The following GABARAPL2 variants were observed in gnomAD, a reference collection of about 807,000 sequenced individuals.
GABARAPL2 encodes the protein GABA type A receptor associated protein like 2.
Under a neutral mutation model 16.9 loss-of-function variants are expected in GABARAPL2, and 11 were observed. That is an observed-to-expected ratio of 0.65 (90% CI 0.41 to 1.08). GABARAPL2 has a LOEUF of 1.08. GABARAPL2 is among the 50% of genes least tolerant of loss of function. The pLI is 0.00. For missense variants in GABARAPL2, 134 were observed against 142.5 expected, an observed-to-expected ratio of 0.94 and a Z score of 0.30; for synonymous variants, 57 against 50.7, an observed-to-expected ratio of 1.12 and a Z score of -0.53.
At chr16:75,568,776 T>G (rs1267865520) in intron 3 of GABARAPL2, among the ~76,000 whole-genome samples, 1 of 152,266 alleles carries the variant, frequency 6.6e-6, no homozygotes, top group African/African-American at 2.4e-5. Flanking sequence ...ACTATTGTGC[T>G]GCCTGGAAGC....
chr16:75,567,350 T>A (rs1415488386), intron 2 of GABARAPL2, among the ~76,000 whole-genome samples: 1 of 152,232 alleles, frequency 6.6e-6, no homozygotes, highest in Non-Finnish European at 1.5e-5. Context: ...CATCCTTGCC[T>A]GACCAAAATA....
chr16:75,566,400 T>TGCCGCTGCCGCC lies in GABARAPL2; in HGVS notation c.-85_-74dup, dbSNP rs1039007516. On this transcript the variant is annotated 5_prime_UTR_variant, in exon 1 of 4. Coordinates refer to ENST00000037243, the MANE Select transcript of GABARAPL2 (RefSeq NM_007285.7). Reference sequence around the variant, plus strand: ...GTGTAGTCGCCGCCGTCGCTGCCGCTGCCGCTGCCGCCGTCGTTGTTGTTG... The same window carrying TGCCGCTGCCGCC: ...GTGTAGTCGCCGCCGTCGCTGCCGCTGCCGCTGCCGCCGCCGCTGCCGCCGTCGTTGTTGTTG... The TGCCGCTGCCGCC allele has an allele frequency of 3.1e-4, 313 of 1,026,100 alleles. 1 individual carries two copies. The highest frequency in any genetic ancestry group is 4.2e-4 in the Non-Finnish European group (282 of 676,382). 63.6% of individuals were successfully genotyped at this position (1,026,100 alleles called of 1,614,324 possible).
chr16:75,573,218 C>T (rs1353907323), intron 3 of GABARAPL2, among the ~76,000 whole-genome samples: 1 of 152,266 alleles, frequency 6.6e-6, no homozygotes, highest in African/African-American at 2.4e-5. Flanking sequence ...CACATTTTGT[C>T]TCCCTGCACT....
chr16:75,566,803 C>T (rs1255576875), intron 1 of GABARAPL2, 49 bp from the exon 2 acceptor site: 11 of 1,562,580 alleles, frequency 7.0e-6, no homozygotes, highest in Non-Finnish European at 8.8e-6. Flanking sequence ...GGGCCGGGAA[C>T]CGACCGGTGG....
At position 75,568,174 on chromosome 16, in the gene GABARAPL2, C is replaced by T. The variant is rs746764553; in HGVS notation, c.228C>T (p.Ile76=). The part of the protein sequence containing the change: ...KRIQLPSEKA[I]FLFVDKTVPQ... ...TCCAGCTTCCTTCTGAAAAGGCGATCTTCCTGTTTGTGGATAAGACAGTCC... is the reference window on the plus strand; with the variant it reads ...TCCAGCTTCCTTCTGAAAAGGCGATTTTCCTGTTTGTGGATAAGACAGTCC... Residue 76 remains isoleucine (I), a synonymous_variant, in exon 3 of 4, where the codon ATC becomes ATT. Coordinates refer to ENST00000037243, the MANE Select transcript of GABARAPL2 (RefSeq NM_007285.7). 143 of 1,613,054 alleles carry T rather than the reference C, an allele frequency of 8.9e-5. No individual in the cohort carries two copies. The highest frequency in any genetic ancestry group is 1.5e-4 in the Admixed American group (9 of 60,016).
At chr16:75,566,802 A>G (rs1341745393) in intron 1 of GABARAPL2, 50 bp from the exon 2 acceptor site, 1 of 1,549,928 alleles carries the variant, frequency 6.5e-7, no homozygotes, top group Admixed American at 1.7e-5. Context: ...GGGGCCGGGA[A>G]CCGACCGGTG....
chr16:75,569,712 A>T (rs767733010), intron 3 of GABARAPL2, among the ~76,000 whole-genome samples: 4 of 152,224 alleles, frequency 2.6e-5, no homozygotes, highest in African/African-American at 9.6e-5. Context: ...TGGAGACCTT[A>T]AGATTACTCA....
intron 3 of GABARAPL2, among the ~76,000 whole-genome samples, chr16:75,570,223 A>G (rs1276423074): frequency 6.6e-6 from 1 of 152,100 alleles, no homozygotes; most frequent in African/African-American, 2.4e-5. Flanking sequence ...AGCCTCCCTA[A>G]TAACTGGGAC....
chr16:75,575,979 T>C (rs78277585), intron 3 of GABARAPL2: 1 of 152,182 alleles, frequency 6.6e-6, no homozygotes, highest in African/African-American at 2.4e-5. Flanking sequence ...AGCCAGACTT[T>C]CAAGTGCTGA....
At chr16:75,569,123 T>G (rs962789778) in intron 3 of GABARAPL2, among the ~76,000 whole-genome samples, 2 of 152,192 alleles carry the variant, frequency 1.3e-5, no homozygotes, top group Non-Finnish European at 2.9e-5. Flanking sequence ...CCAAATAGGT[T>G]CCTGTTGAAA....
chr16:75,569,218 C>T (rs561353793), intron 3 of GABARAPL2, among the ~76,000 whole-genome samples: 1 of 152,156 alleles, frequency 6.6e-6, no homozygotes, highest in Non-Finnish European at 1.5e-5. Flanking sequence ...ATTTTTTGGT[C>T]TGATTTCCTC....
chr16:75,571,786 C>T (rs1286682489), intron 3 of GABARAPL2, among the ~76,000 whole-genome samples: 1 of 151,428 alleles, frequency 6.6e-6, no homozygotes, highest in Non-Finnish European at 1.5e-5. Context: ...AAGCGATTCT[C>T]CTGCCTCTGC....
rs1597056744 is a variant in GABARAPL2, at chr16:75,566,782, A to G, written c.35-70A>G. 3 of 1,401,326 alleles carry G rather than the reference A, an allele frequency of 2.1e-6. No homozygotes were observed. The East Asian group carries it at 6.8e-5, about 32-fold the overall frequency. 86.8% of individuals were successfully genotyped at this position (1,401,326 alleles called of 1,614,324 possible). A position where few individuals can be genotyped will look rare whatever the true frequency, so the allele number is the denominator to read the frequency against. ...TGGGTTGTACGCAGGGCGCAGGAGG[A>G]GGAGGGCCGGGGGCCGGGAACCGAC... On this transcript the variant is annotated intron_variant, in intron 1 of 3. Transcript: ENST00000037243.
At chr16:75,573,679 T>A (rs1166276406) in intron 3 of GABARAPL2, among the ~76,000 whole-genome samples, 1 of 152,210 alleles carries the variant, frequency 6.6e-6, no homozygotes, top group African/African-American at 2.4e-5. Context: ...AGCTTGATGT[T>A]CCGATGGTTG....
chr16:75,566,819 C>G (rs1168499039), intron 1 of GABARAPL2, 33 bp from the exon 2 acceptor site: 1 of 1,601,460 alleles, frequency 6.2e-7, no homozygotes. Flanking sequence ...GGTGGGCAGG[C>G]GCGGCCGTCA....
In GABARAPL2 at chr16:75,577,304, A is replaced by T; in HGVS notation, c.289A>T (p.Lys97Ter). 1 of 1,612,120 alleles carries T rather than the reference A, an allele frequency of 6.2e-7. No individual in the cohort carries two copies. Among genetic ancestry groups the T allele is most frequent in the Non-Finnish European group, 8.5e-7 (1 of 1,178,162 alleles). Residue 97 changes from lysine to a stop codon, truncating the protein, a stop_gained, in exon 4 of 4, where the codon AAG (lysine) becomes TAG (stop). Coordinates refer to ENST00000037243, the MANE Select transcript of GABARAPL2 (RefSeq NM_007285.7). LOFTEE classifies it high-confidence loss of function. ...CCTAACTATGGGACAGCTTTACGAG[A>T]AGGAAAAAGATGAAGATGGATTCTT... ...SSLTMGQLYE[K>*]EKDEDGFLYV... is the part of the protein sequence containing the mutation.
intron 3 of GABARAPL2, among the ~76,000 whole-genome samples, chr16:75,571,145 T>C (rs895779771): frequency 6.6e-6 from 1 of 152,286 alleles, no homozygotes; most frequent in East Asian, 1.9e-4. Flanking sequence ...AGTGGCACAG[T>C]CATAGCTCAC....
rs2080957811 is a variant in GABARAPL2 at position 75,577,626 on chromosome 16, T to C, written c.*257T>C. 2.7e-6 allele frequency: 1 copy of C among 364,778 alleles called. No homozygotes were observed. Among genetic ancestry groups the C allele is most frequent in the Non-Finnish European group, 5.0e-6 (1 of 199,712 alleles). 22.6% of individuals were successfully genotyped at this position (364,778 alleles called of 1,614,324 possible). A position where few individuals can be genotyped will look rare whatever the true frequency, so the allele number is the denominator to read the frequency against. On this transcript the variant is annotated 3_prime_UTR_variant, in exon 4 of 4. Transcript: ENST00000037243. ...GAAACTTGTCCTTCTGGAAATCATA[T>C]TGAATGATATTTCTATATCGAAGTG...
chr16:75,570,356 T>C (rs1363456189), intron 3 of GABARAPL2, among the ~76,000 whole-genome samples: 1 of 152,238 alleles, frequency 6.6e-6, no homozygotes, highest in Non-Finnish European at 1.5e-5. Context: ...TAAAAAGTGC[T>C]ACAGGGTCCT....
Sources: gnomAD v4.1 joint callset for allele counts (sites outside exome capture counted in the v4.1 genomes callset) on GRCh38, gnomAD v4.1.1 for gene constraint, MANE v1.5 for transcripts, NCBI Gene and HGNC (gene_info 2026-07-23, HGNC 2026-07-21) for gene names.